SMPDL3B: variants seen among roughly 807,000 people sequenced by gnomAD.
The protein encoded by SMPDL3B is acid sphingomyelinase-like phosphodiesterase 3b.
A neutral mutation model predicts 37.9 loss-of-function variants in SMPDL3B; 31 were observed. That is an observed-to-expected ratio of 0.82 (90% CI 0.61 to 1.10). SMPDL3B has a LOEUF of 1.10. SMPDL3B is among the 50% of genes least tolerant of loss of function. The pLI, the probability that SMPDL3B is intolerant of heterozygous loss-of-function variation, is 0.00. For synonymous variants in SMPDL3B, 235 were observed against 242.6 expected, an observed-to-expected ratio of 0.97 and a Z score of 0.29; for missense variants, 525 against 597.8, an observed-to-expected ratio of 0.88 and a Z score of 1.27.
Position 27,955,682 on chromosome 1 carries a change from A to G in SMPDL3B, c.691-2A>G, listed in dbSNP as rs773256645. The G allele has an allele frequency of 1.2e-6, 2 of 1,611,266 alleles. No homozygotes were observed. Among genetic ancestry groups the G allele is most frequent in the East Asian group, 4.5e-5 (2 of 44,800 alleles). ...CCTCTTCTGGGAACCCCTCCCTTGT[A>G]GGTGTACATTGTCGGCCACGTGCCC... On this transcript the variant is annotated splice_acceptor_variant, in intron 5 of 7. Transcript: ENST00000373894. LOFTEE classifies it high-confidence loss of function.
intron 1 of SMPDL3B, among the ~76,000 whole-genome samples, chr1:27,941,291 T>C (rs560257700): frequency 2.7e-4 from 41 of 152,304 alleles, no homozygotes; most frequent in Non-Finnish European, 4.7e-4. Context: ...TTAGTTTGCT[T>C]ATCTATGCAG....
At position 27,955,885 on chromosome 1, in the gene SMPDL3B, C is replaced by G. The variant is rs915498490; in HGVS notation, c.871+21C>G. ...TGCAGGTATTCAACCTGGAGGGCAACTGCCAGCTCCCTCCCTCCTTCTCTC... is the reference window on the plus strand; with the variant it reads ...TGCAGGTATTCAACCTGGAGGGCAAGTGCCAGCTCCCTCCCTCCTTCTCTC... On this transcript the variant is annotated intron_variant, in intron 6 of 7. Transcript: ENST00000373894. The G allele has an allele frequency of 3.1e-6, 5 of 1,611,580 alleles. No homozygotes were observed. In the African/African-American group the frequency reaches 4.0e-5, roughly 13 times the overall value.
intron 4 of SMPDL3B, 88 bp from the exon 5 acceptor site, chr1:27,954,266 A>G: frequency 3.9e-6 from 5 of 1,270,578 alleles, no homozygotes; most frequent in Non-Finnish European, 5.5e-6. Context: ...TGCAACGGAA[A>G]AAGAAAGTGG....
At chr1:27,948,341 G>A (rs2090428010) in intron 2 of SMPDL3B, among the ~76,000 whole-genome samples, 1 of 152,192 alleles carries the variant, frequency 6.6e-6, no homozygotes, top group African/African-American at 2.4e-5. Flanking sequence ...TCTAGCAGCA[G>A]TATTAATACT....
rs775826200 is a variant in SMPDL3B, at chr1:27,953,212, T to C, written c.374-3T>C. ...ATTTTGATATTTCACCCTTTCTTCC[T>C]AGATACTAAAGTCTATGCTGCTTTG... On this transcript the variant is annotated splice_region_variant and splice_polypyrimidine_tract_variant and intron_variant, in intron 3 of 7. Coordinates refer to ENST00000373894, the MANE Select transcript of SMPDL3B (RefSeq NM_014474.4). The C allele has an allele frequency of 6.2e-7, 1 of 1,606,170 alleles. No individual in the cohort carries two copies. Among genetic ancestry groups the C allele is most frequent in the South Asian group, 1.1e-5 (1 of 89,402 alleles).
chr1:27,949,895 A>T (rs1439586137), intron 3 of SMPDL3B, among the ~76,000 whole-genome samples: 1 of 151,598 alleles, frequency 6.6e-6, no homozygotes, highest in East Asian at 1.9e-4. Context: ...GGACACAGAT[A>T]TGGAGTAATA....
At chr1:27,948,253 G>T (rs760468800) in intron 2 of SMPDL3B, among the ~76,000 whole-genome samples, 1 of 152,172 alleles carries the variant, frequency 6.6e-6, no homozygotes, top group African/African-American at 2.4e-5. Context: ...ACATTGCAGT[G>T]TTATAATGGG....
chr1:27,959,067 G>C lies in SMPDL3B; in HGVS notation c.*229G>C. ...CCAAAAACAAACCAGAAACAGAAAAGAAATGACGACCCAAGACCCCCCTAC... is the reference window on the plus strand; with the variant it reads ...CCAAAAACAAACCAGAAACAGAAAACAAATGACGACCCAAGACCCCCCTAC... On this transcript the variant is annotated 3_prime_UTR_variant, in exon 8 of 8. Coordinates refer to ENST00000373894, the MANE Select transcript of SMPDL3B (RefSeq NM_014474.4). 2 of 547,136 alleles carry C rather than the reference G, an allele frequency of 3.7e-6. No individual in the cohort carries two copies. 33.9% of individuals were successfully genotyped at this position (547,136 alleles called of 1,614,324 possible).
Position 27,958,297 on chromosome 1 carries a change from G to C in SMPDL3B, c.1006-179G>C, listed in dbSNP as rs1638355117. ...TTGTGAAACCTAGGTAATAAGCGCA[G>C]TTACCTCATTCGATTCAGAGGATGT... is the stretch of plus-strand genomic sequence containing the variant. On this transcript the variant is annotated intron_variant, in intron 7 of 7. Transcript: ENST00000373894. The surrounding 1 kb of genome is among the most constrained non-coding windows in gnomAD (Gnocchi z 5.6). 6.6e-6 allele frequency among the ~76,000 whole-genome samples: 1 copy of C among 152,174 alleles called. No individual in the cohort carries two copies. Among genetic ancestry groups the C allele is most frequent in the Non-Finnish European group, 1.5e-5 (1 of 68,030 alleles).
intron 3 of SMPDL3B, 84 bp downstream of exon 3, chr1:27,949,246 T>G: frequency 7.1e-7 from 1 of 1,403,510 alleles, no homozygotes. Flanking sequence ...CAGCAGCGAG[T>G]GTCCTGGCTG....
At position 27,945,559 on chromosome 1, in the gene SMPDL3B, AG is replaced by A; in HGVS notation, c.275+116del. Reference sequence around the variant, plus strand: ...TTAATCCTCACATCAGTCTCACGTGAGGCTGAGGAACCTAAAGCTCAAAGGA... The same window carrying A: ...TTAATCCTCACATCAGTCTCACGTGAGCTGAGGAACCTAAAGCTCAAAGGA... On this transcript the variant is annotated intron_variant, in intron 2 of 7. Transcript: ENST00000373894. The surrounding 1 kb of genome is among the most constrained non-coding windows in gnomAD (Gnocchi z 4.0). 1.2e-6 allele frequency: 1 copy of A among 867,920 alleles called. No individual in the cohort carries two copies. The highest frequency in any genetic ancestry group is 1.9e-6 in the Non-Finnish European group (1 of 538,574). 53.8% of individuals were successfully genotyped at this position (867,920 alleles called of 1,614,324 possible).
intron 3 of SMPDL3B, among the ~76,000 whole-genome samples, chr1:27,952,961 T>G (rs1477403052): frequency 6.6e-6 from 1 of 152,212 alleles, no homozygotes; most frequent in Non-Finnish European, 1.5e-5. Context: ...ATCTGCTGCT[T>G]TCCTTCTAAC....
intron 7 of SMPDL3B, chr1:27,956,529 G>C (rs78033053): frequency 3.2e-5 from 34 of 1,069,912 alleles, no homozygotes; most frequent in Non-Finnish European, 3.9e-5. Context: ...CACATTTTCC[G>C]TACACAGACG....
chr1:27,956,180 C>A, intron 7 of SMPDL3B, 98 bp downstream of exon 7: 1 of 1,610,660 alleles, frequency 6.2e-7, no homozygotes, highest in African/African-American at 1.3e-5. Flanking sequence ...CCCCTGACCA[C>A]TGAGCCTCAG....
At chr1:27,954,895 C>T (rs1027341374) in intron 5 of SMPDL3B, among the ~76,000 whole-genome samples, 1 of 152,196 alleles carries the variant, frequency 6.6e-6, no homozygotes, top group African/African-American at 2.4e-5. Context: ...TGAGTGTGTC[C>T]AGCTAGCCTG....
intron 1 of SMPDL3B, among the ~76,000 whole-genome samples, chr1:27,943,535 T>C (rs12409437): frequency 0.95 from 144,916 of 152,200 alleles, 69,314 homozygotes; most frequent in East Asian, 1. Flanking sequence ...ACACAGCTTC[T>C]TGGGGCCAGT....
At chr1:27,936,164 C>G (rs4255404) in intron 1 of SMPDL3B, among the ~76,000 whole-genome samples, 33,326 of 152,056 alleles carry the variant, frequency 0.22, 4,034 homozygotes, top group Non-Finnish European at 0.27. Context: ...TTAAAAGGAC[C>G]CTTGAGGCCA....
intron 1 of SMPDL3B, among the ~76,000 whole-genome samples, chr1:27,941,768 G>A (rs370845346): frequency 2.6e-5 from 4 of 152,300 alleles, no homozygotes; most frequent in South Asian, 2.1e-4. Context: ...AGGCCATGGC[G>A]TAGTCAGGGA....
rs577653869 is a variant in SMPDL3B, at chr1:27,958,136, G to A, written c.1006-340G>A. On this transcript the variant is annotated intron_variant, in intron 7 of 7. Coordinates refer to ENST00000373894, the MANE Select transcript of SMPDL3B (RefSeq NM_014474.4). The surrounding 1 kb of genome is among the most constrained non-coding windows in gnomAD (Gnocchi z 5.6). Reference sequence around the variant, plus strand: ...TTCATTATGTAAATATTTACTGAGCGTCTTCTATGTGTACCCTAGCATGGT... The same window carrying A: ...TTCATTATGTAAATATTTACTGAGCATCTTCTATGTGTACCCTAGCATGGT... Among the ~76,000 whole-genome samples, 14 of 152,254 alleles carry A rather than the reference G, an allele frequency of 9.2e-5. No homozygotes were observed. In the South Asian group the frequency reaches 2.3e-3, roughly 25 times the overall value.
Sources: allele counts gnomAD v4.1 joint callset (sites outside exome capture counted in the v4.1 genomes callset), GRCh38; gene constraint gnomAD v4.1.1; non-coding constraint Gnocchi (gnomAD v3.1); transcripts MANE v1.5; gene names NCBI Gene and HGNC (gene_info 2026-07-23, HGNC 2026-07-21).